Variants in CNTNAP5 observed in about 807,000 individuals in gnomAD.
CNTNAP5 encodes contactin-associated protein-like 5.
CNTNAP5 carries 72 observed loss-of-function variants against 150.2 expected under a neutral mutation model. The observed-to-expected ratio is 0.48, with a 90% CI of 0.40 to 0.58. The LOEUF is 0.58. CNTNAP5 is among the 20% of genes least tolerant of loss of function. CNTNAP5 has a pLI of 0.00. For synonymous variants in CNTNAP5, 672 were observed against 619.8 expected (o/e 1.08, Z -1.25); for missense variants, 1,636 against 1,626.2 (o/e 1.01, Z -0.10).
chr2:124,259,630 G>A (rs926153675), intron 3 of CNTNAP5, among the ~76,000 whole-genome samples: 1 of 152,072 alleles, frequency 6.6e-6, no homozygotes, highest in African/African-American at 2.4e-5. Flanking sequence ...ATTTTTTCAT[G>A]TGTCTTTTGG....
At chr2:124,132,972 A>G (rs553017436) in intron 1 of CNTNAP5, among the ~76,000 whole-genome samples, 1 of 152,254 alleles carries the variant, frequency 6.6e-6, no homozygotes, top group South Asian at 2.1e-4. Context: ...TCTCTCTTTA[A>G]TTCCTTAAAA....
intron 1 of CNTNAP5, among the ~76,000 whole-genome samples, chr2:124,216,659 G>A (rs972471014): frequency 4.6e-5 from 7 of 152,044 alleles, no homozygotes; most frequent in Non-Finnish European, 8.8e-5. Context: ...TTGTCCTTGC[G>A]ATAATTTGCT....
At chr2:124,910,481 A>C (rs894498908) in intron 22 of CNTNAP5, among the ~76,000 whole-genome samples, 2 of 152,048 alleles carry the variant, frequency 1.3e-5, no homozygotes, top group Non-Finnish European at 2.9e-5. Flanking sequence ...AGTTTAAATG[A>C]CACCTGACAG....
chr2:124,203,558 G>A (rs1685782071), intron 1 of CNTNAP5, among the ~76,000 whole-genome samples: 1 of 152,146 alleles, frequency 6.6e-6, no homozygotes, highest in African/African-American at 2.4e-5. Flanking sequence ...TTCTGCCCCT[G>A]CAGCACACCT....
intron 7 of CNTNAP5, among the ~76,000 whole-genome samples, chr2:124,489,202 C>T (rs553199761): frequency 6.6e-6 from 1 of 152,326 alleles, no homozygotes; most frequent in East Asian, 1.9e-4. Flanking sequence ...TTAGTCTGCT[C>T]TCACTGCCAA....
chr2:124,499,511 C>T (rs990738642), intron 7 of CNTNAP5, among the ~76,000 whole-genome samples: 7 of 152,144 alleles, frequency 4.6e-5, no homozygotes, highest in African/African-American at 9.6e-5. Flanking sequence ...GAAGGCACAA[C>T]GTATGTCTAG....
chr2:124,501,224 G>A (rs564652107), intron 7 of CNTNAP5, among the ~76,000 whole-genome samples: 1 of 152,316 alleles, frequency 6.6e-6, no homozygotes, highest in East Asian at 1.9e-4. Flanking sequence ...AGTACATAAA[G>A]TGAATTTAAT....
At chr2:124,887,706 C>T (rs1050777944) in intron 21 of CNTNAP5, among the ~76,000 whole-genome samples, 19 of 152,118 alleles carry the variant, frequency 1.2e-4, no homozygotes, top group Non-Finnish European at 1.3e-4. Context: ...GAAAACTTGG[C>T]AGAAAAGAAA....
chr2:124,504,696 A>T, intron 8 of CNTNAP5, 140 bp downstream of exon 8: 15 of 612,490 alleles, frequency 2.4e-5, no homozygotes, highest in Middle Eastern at 4.7e-4. Context: ...AAGTCTGAAG[A>T]GGCAGCATTT....
At chr2:124,136,328 G>T (rs1397019244) in intron 1 of CNTNAP5, among the ~76,000 whole-genome samples, 2 of 152,194 alleles carry the variant, frequency 1.3e-5, no homozygotes, top group Admixed American at 1.3e-4. Flanking sequence ...GAGGGGAGAA[G>T]TGAAACAGCT....
intron 2 of CNTNAP5, among the ~76,000 whole-genome samples, chr2:124,240,923 A>C (rs1301920335): frequency 6.6e-6 from 1 of 152,160 alleles, no homozygotes; most frequent in African/African-American, 2.4e-5. Flanking sequence ...ACTTCTTCCA[A>C]GGTGGCGAGA....
rs1691583018 is a variant in CNTNAP5 at position 124,406,810 on chromosome 2, C to T, written c.382-10633C>T. Among the ~76,000 whole-genome samples, 3 of 152,296 alleles carry T rather than the reference C, an allele frequency of 2.0e-5. No homozygotes were observed. In the South Asian group the frequency reaches 6.2e-4, roughly 32 times the overall value. ...ATTAGAACATATTTCTTCTATCTAA[C>T]TACATGTTTGTACCCATTAACCAAT... On this transcript the variant is annotated intron_variant, in intron 3 of 23. Coordinates refer to ENST00000682447, the MANE Select transcript of CNTNAP5 (RefSeq NM_001367498.1).
At chr2:124,845,410 A>G (rs1573656271) in intron 19 of CNTNAP5, among the ~76,000 whole-genome samples, 1 of 140,898 alleles carries the variant, frequency 7.1e-6, no homozygotes, top group Non-Finnish European at 1.6e-5. Context: ...TTTTGCATCT[A>G]TGTTCATTGG....
chr2:124,514,672 G>C (rs555240633), intron 8 of CNTNAP5, among the ~76,000 whole-genome samples: 1 of 152,212 alleles, frequency 6.6e-6, no homozygotes, highest in East Asian at 1.9e-4. Flanking sequence ...GAGGCAGCTG[G>C]ATAGGTGAGA....
intron 3 of CNTNAP5, among the ~76,000 whole-genome samples, chr2:124,260,624 A>C (rs1204232331): frequency 5.3e-5 from 8 of 152,262 alleles, no homozygotes; most frequent in Admixed American, 5.2e-4. Flanking sequence ...CTCATTTGAC[A>C]AAGGGCTAAT....
chr2:124,750,338 C>A (rs1434809820), intron 14 of CNTNAP5, among the ~76,000 whole-genome samples: 1 of 152,146 alleles, frequency 6.6e-6, no homozygotes, highest in Non-Finnish European at 1.5e-5. Flanking sequence ...TGGGCAAAGT[C>A]TAGGTGAGAA....
chr2:124,593,052 C>T lies in CNTNAP5; in HGVS notation c.1757-16749C>T, dbSNP rs369110798. On this transcript the variant is annotated intron_variant, in intron 11 of 23. Coordinates refer to ENST00000682447, the MANE Select transcript of CNTNAP5 (RefSeq NM_001367498.1). ...TAATACTTTTGCTGCTTCTAATTTA[C>T]ATAGAAATTCAGCCTTGTTTTTCTC... Among the ~76,000 whole-genome samples the T allele has an allele frequency of 5.9e-5, 9 of 151,380 alleles. No homozygotes were observed. The East Asian group carries it at 1.2e-3, about 20-fold the overall frequency.
intron 1 of CNTNAP5, among the ~76,000 whole-genome samples, chr2:124,123,648 C>A (rs909675835): frequency 1.3e-5 from 2 of 152,314 alleles, no homozygotes; most frequent in East Asian, 3.9e-4. Flanking sequence ...CTGGGAGACA[C>A]CTCCCAGTAG....
chr2:124,216,946 A>T (rs1469182712), intron 1 of CNTNAP5, among the ~76,000 whole-genome samples: 1 of 152,106 alleles, frequency 6.6e-6, no homozygotes, highest in Non-Finnish European at 1.5e-5. Context: ...CTAGTTCTAG[A>T]TCCCTGAGGA....
Sources: gnomAD v4.1 joint callset for allele counts (sites outside exome capture counted in the v4.1 genomes callset) on GRCh38, gnomAD v4.1.1 for gene constraint, MANE v1.5 for transcripts, NCBI Gene and HGNC (gene_info 2026-07-23, HGNC 2026-07-21) for gene names.